Variants in TMEM232 observed in about 807,000 individuals in gnomAD.
TMEM232 encodes the protein transmembrane protein 232.
A neutral mutation model predicts 78.8 loss-of-function variants in TMEM232; 80 were observed. The observed-to-expected ratio is 1.01, with a 90% CI of 0.85 to 1.22. The LOEUF (loss-of-function observed/expected upper bound fraction) is 1.22. Ranked by LOEUF, TMEM232 falls within the 50% of genes most tolerant of loss-of-function variation. The pLI is 0.00. For synonymous variants in TMEM232, 297 were observed against 254.3 expected, an observed-to-expected ratio of 1.17 and a Z score of -1.60; for missense variants, 881 against 742.2, an observed-to-expected ratio of 1.19 and a Z score of -2.17.
At chr5:110,516,171 G>A (rs533223227) in intron 12 of TMEM232, among the ~76,000 whole-genome samples, 3 of 152,164 alleles carry the variant, frequency 2.0e-5, no homozygotes, top group African/African-American at 4.8e-5. Context: ...CCTGGGAGGC[G>A]GAGCTTGCAG....
chr5:110,560,468 G>C (rs1263393130), intron 11 of TMEM232, among the ~76,000 whole-genome samples: 1 of 152,034 alleles, frequency 6.6e-6, no homozygotes. Flanking sequence ...AGGTTCACAG[G>C]GAACAAACTG....
chr5:110,447,505 C>A lies in TMEM232; in HGVS notation c.1704-22589G>T, dbSNP rs959498943. 2.6e-5 allele frequency among the ~76,000 whole-genome samples: 4 copies of A among 152,016 alleles called. No homozygotes were observed. The East Asian group carries it at 5.8e-4, about 22-fold the overall frequency. On this transcript the variant is annotated intron_variant, in intron 12 of 13. Transcript: ENST00000455884. ...CCTATATAGAGATCTTTTCAATACACGGCAAGTAGAAGAAAACCTACAAAT... is the reference window on the plus strand; with the variant it reads ...CCTATATAGAGATCTTTTCAATACAAGGCAAGTAGAAGAAAACCTACAAAT...
In TMEM232 at chr5:110,528,682, G is replaced by C. The variant is rs1169141562; in HGVS notation, c.1609C>G (p.Pro537Ala). ...FFPPIEAHFL[P>A]LKKPSIKKDQ... is the part of the protein sequence containing the mutation. Reference sequence around the variant, plus strand: ...TTTTTTATTGATGGTTTCTTCAAAGGAAGAAAATGGGCCTCAATGGGGGGA... The same window carrying C: ...TTTTTTATTGATGGTTTCTTCAAAGCAAGAAAATGGGCCTCAATGGGGGGA... Residue 537 changes from proline to alanine, a missense_variant, in exon 12 of 14, where the codon CCT becomes GCT. Transcript: ENST00000455884. 1.4e-5 allele frequency: 21 copies of C among 1,535,010 alleles called. No individual in the cohort carries two copies. The highest frequency in any genetic ancestry group is 1.7e-5 in the Non-Finnish European group (20 of 1,146,454).
At chr5:110,450,572 CTG>C (rs1483511791) in intron 12 of TMEM232, among the ~76,000 whole-genome samples, 8 of 152,060 alleles carry the variant, frequency 5.3e-5, no homozygotes, top group African/African-American at 1.9e-4. Flanking sequence ...TGCAGGTAAA[CTG>C]TGGAAATTAA....
chr5:110,436,205 T>C (rs1758416832), intron 12 of TMEM232, among the ~76,000 whole-genome samples: 1 of 152,074 alleles, frequency 6.6e-6, no homozygotes, highest in Admixed American at 6.6e-5. Context: ...TCTCGGATGA[T>C]TAATGGTGTT....
At chr5:110,509,577 T>G (rs1170368050) in intron 12 of TMEM232, among the ~76,000 whole-genome samples, 1 of 152,202 alleles carries the variant, frequency 6.6e-6, no homozygotes, top group East Asian at 1.9e-4. Context: ...AATGTTTTAT[T>G]AGAGAATATA....
At chr5:110,400,331 C>T (rs1226140669) in intron 2 of TMEM232, among the ~76,000 whole-genome samples, 1 of 152,060 alleles carries the variant, frequency 6.6e-6, no homozygotes, top group East Asian at 1.9e-4. Context: ...CATGATTTCA[C>T]TGATATTTTG....
intron 10 of TMEM232, among the ~76,000 whole-genome samples, chr5:110,597,647 T>G (rs1324370478): frequency 2.6e-5 from 4 of 151,810 alleles, no homozygotes; most frequent in African/African-American, 9.7e-5. Context: ...AACAGCATGG[T>G]ACTGGTACCA....
chr5:110,522,673 G>GT (rs1303337306), intron 12 of TMEM232, among the ~76,000 whole-genome samples: 3 of 151,996 alleles, frequency 2.0e-5, no homozygotes, highest in Non-Finnish European at 4.4e-5. Context: ...AGATTATTAC[G>GT]TAATTTTTAT....
intron 10 of TMEM232, among the ~76,000 whole-genome samples, chr5:110,587,741 A>C (rs1779031488): frequency 3.3e-5 from 3 of 91,166 alleles, no homozygotes; most frequent in Admixed American, 2.5e-4. Flanking sequence ...GTGTGTGTCA[A>C]ACTTGTCAGG....
At chr5:110,712,119 A>T (rs201285511) in intron 1 of TMEM232, among the ~76,000 whole-genome samples, 9,284 of 150,880 alleles carry the variant, frequency 0.062, 630 homozygotes, top group East Asian at 0.27. Context: ...AAAAAAAAAA[A>T]AAAAAAAAAA....
intron 12 of TMEM232, among the ~76,000 whole-genome samples, chr5:110,432,600 A>C (rs1483851257): frequency 1.3e-5 from 2 of 151,740 alleles, no homozygotes; most frequent in Non-Finnish European, 1.5e-5. Context: ...AGCTAACAAC[A>C]CTATGAAAGG....
In TMEM232 at chr5:110,644,392, A is replaced by AAC. The variant is rs1214524853; in HGVS notation, c.126-2022_126-2021insGT. On this transcript the variant is annotated intron_variant, in intron 2 of 13. Coordinates refer to ENST00000455884, the MANE Select transcript of TMEM232 (RefSeq NM_001039763.4). ...TATCATTAGGAATTATGTTTTTAAAAATATGAAAATAACAGTGCTGTTTTT... is the reference window on the plus strand; with the variant it reads ...TATCATTAGGAATTATGTTTTTAAAAACATATGAAAATAACAGTGCTGTTTTT... Among the ~76,000 whole-genome samples, 13 of 152,034 alleles carry AAC rather than the reference A, an allele frequency of 8.6e-5. 2 individuals carry two copies. Among genetic ancestry groups the AAC allele is most frequent in the East Asian group, 5.8e-4 (3 of 5,186 alleles).
chr5:110,663,354 T>C (rs1044495861), intron 2 of TMEM232, among the ~76,000 whole-genome samples: 5 of 151,974 alleles, frequency 3.3e-5, no homozygotes, highest in African/African-American at 4.8e-5. Flanking sequence ...TAATAAATAT[T>C]TAATAATACC....
chr5:110,695,874 C>G (rs1051210988), intron 1 of TMEM232, among the ~76,000 whole-genome samples: 11 of 152,132 alleles, frequency 7.2e-5, no homozygotes, highest in Non-Finnish European at 1.6e-4. Context: ...ACCAGAGGTA[C>G]AAGGAGAAGC....
At chr5:110,450,466 T>A (rs568082189) in intron 12 of TMEM232, among the ~76,000 whole-genome samples, 39 of 149,560 alleles carry the variant, frequency 2.6e-4, no homozygotes, top group Admixed American at 2.2e-3. Flanking sequence ...TATCTTCAAA[T>A]CTCCATTTTT....
At chr5:110,644,932 C>T (rs1204286119) in intron 2 of TMEM232, among the ~76,000 whole-genome samples, 1 of 151,092 alleles carries the variant, frequency 6.6e-6, no homozygotes, top group African/African-American at 2.4e-5. Flanking sequence ...GCCTCAGAAA[C>T]ATAAGAAACT....
Position 110,420,538 on chromosome 5 carries a change from C to A in TMEM232, c.*42G>T. 1 of 1,266,658 alleles carries A rather than the reference C, an allele frequency of 7.9e-7. No homozygotes were observed. Among genetic ancestry groups the A allele is most frequent in the South Asian group, 1.7e-5 (1 of 58,358 alleles). 78.5% of individuals were successfully genotyped at this position (1,266,658 alleles called of 1,614,324 possible). ...TATTTTTCATCCTATGTATTTCTGC[C>A]ATGTAGTCCTCAATTTTGGGAGGTG... On this transcript the variant is annotated 3_prime_UTR_variant, in exon 14 of 14. Coordinates refer to ENST00000455884, the MANE Select transcript of TMEM232 (RefSeq NM_001039763.4).
intron 12 of TMEM232, among the ~76,000 whole-genome samples, chr5:110,452,608 TA>T (rs1245787022): frequency 6.6e-6 from 1 of 152,138 alleles, no homozygotes. Context: ...AGCAGATTCT[TA>T]AAATGTGTCT....
Sources: gnomAD v4.1 joint callset for allele counts (sites outside exome capture counted in the v4.1 genomes callset) on GRCh38, gnomAD v4.1.1 for gene constraint, MANE v1.5 for transcripts, NCBI Gene and HGNC (gene_info 2026-07-23, HGNC 2026-07-21) for gene names.